Variants in SLMAP observed in about 807,000 individuals in gnomAD.
SLMAP encodes sarcolemma associated protein, also known as sarcolemmal membrane-associated protein.
SLMAP carries 44 observed loss-of-function variants against 128.8 expected under a neutral mutation model. That is an observed-to-expected ratio of 0.34 (90% CI 0.27 to 0.44). The LOEUF (loss-of-function observed/expected upper bound fraction) is 0.44, where lower values mean the gene tolerates loss of function less well. SLMAP is among the 20% of genes least tolerant of loss of function. SLMAP has a pLI of 1.00. For synonymous variants in SLMAP, 327 were observed against 348.8 expected, an observed-to-expected ratio of 0.94 and a Z score of 0.70; for missense variants, 787 against 985.3, an observed-to-expected ratio of 0.80 and a Z score of 2.69.
rs1166208390 is a variant in SLMAP at position 57,871,621 on chromosome 3, TTC to T, written c.1238-13_1238-12del. 1.2e-6 allele frequency: 2 copies of T among 1,607,116 alleles called. No individual in the cohort carries two copies. Among genetic ancestry groups the T allele is most frequent in the African/African-American group, 2.7e-5 (2 of 74,734 alleles). ...CAACAAACTATATCCTTAAAGGTGTTTCTTTCTTTATTAGAGCACTTGCTTTC... is the reference window on the plus strand; with the variant it reads ...CAACAAACTATATCCTTAAAGGTGTTTTTCTTTATTAGAGCACTTGCTTTC... On this transcript the variant is annotated splice_polypyrimidine_tract_variant and intron_variant, in intron 13 of 24. Coordinates refer to ENST00000671191, the MANE Select transcript of SLMAP (RefSeq NM_001377540.1).
rs566458651 is a variant in SLMAP, at chr3:57,772,709, C to T, written c.198+14860C>T. Among the ~76,000 whole-genome samples the T allele has an allele frequency of 7.9e-5, 12 of 151,700 alleles. No homozygotes were observed. The East Asian group carries it at 1.4e-3, about 17-fold the overall frequency. On this transcript the variant is annotated intron_variant, in intron 2 of 24. Coordinates refer to ENST00000671191, the MANE Select transcript of SLMAP (RefSeq NM_001377540.1). The stretch of plus-strand genomic sequence containing the variant: ...AGGCTGGAGTGCAGTGGCATGATCT[C>T]GGCTCACCGCAACCTTTGCCTCCCA...
chr3:57,896,655 A>G (rs1215588390), intron 16 of SLMAP, 64 bp downstream of exon 16: 16 of 1,286,162 alleles, frequency 1.2e-5, no homozygotes, highest in East Asian at 7.5e-5. Flanking sequence ...ATATAGGTCA[A>G]TGTGAGTGGA....
chr3:57,868,486 G>C (rs1173992712), intron 13 of SLMAP, among the ~76,000 whole-genome samples: 1 of 151,580 alleles, frequency 6.6e-6, no homozygotes, highest in Non-Finnish European at 1.5e-5. Flanking sequence ...AGCACTTTGG[G>C]AGGCTAAGCA....
intron 14 of SLMAP, among the ~76,000 whole-genome samples, chr3:57,885,552 T>C (rs1453911859): frequency 6.7e-6 from 1 of 149,696 alleles, no homozygotes; most frequent in African/African-American, 2.5e-5. Flanking sequence ...ACCGAGTAGC[T>C]GGGATTACAG....
intron 6 of SLMAP, among the ~76,000 whole-genome samples, chr3:57,851,380 G>A (rs1231879939): frequency 2.0e-5 from 3 of 150,040 alleles, no homozygotes; most frequent in Non-Finnish European, 4.4e-5. Flanking sequence ...GGTTTTTGTG[G>A]GTTTGGGCTA....
intron 2 of SLMAP, among the ~76,000 whole-genome samples, chr3:57,778,794 A>G (rs2082426892): frequency 6.6e-6 from 1 of 151,816 alleles, no homozygotes; most frequent in Admixed American, 6.6e-5. Flanking sequence ...CAGGCTGTCT[A>G]GTTTCTCAAA....
At position 57,864,861 on chromosome 3, in the gene SLMAP, G is replaced by A. The variant is rs2095250271; in HGVS notation, c.1186+4G>A. The A allele has an allele frequency of 1.3e-6, 2 of 1,564,806 alleles. No individual in the cohort carries two copies. The highest frequency in any genetic ancestry group is 1.9e-5 in the Admixed American group (1 of 52,730). ...CTTAAAGAATGCAGCAGCTTGGGTA[G>A]GTGGCATCCATATTTCTTACTTAAA... On this transcript the variant is annotated splice_donor_region_variant and intron_variant, in intron 12 of 24. Coordinates refer to ENST00000671191, the MANE Select transcript of SLMAP (RefSeq NM_001377540.1).
rs1458931530 is a variant in SLMAP at position 57,917,104 on chromosome 3, A to G, written c.2310+27A>G. On this transcript the variant is annotated intron_variant, in intron 22 of 24. Coordinates refer to ENST00000671191, the MANE Select transcript of SLMAP (RefSeq NM_001377540.1). ...TAAAGCGAAAAGACATTATGAGCCCAATTATGGTTGGACTTAAAGCCAAAA... is the reference window on the plus strand; with the variant it reads ...TAAAGCGAAAAGACATTATGAGCCCGATTATGGTTGGACTTAAAGCCAAAA... 6.2e-7 allele frequency: 1 copy of G among 1,613,026 alleles called. No individual in the cohort carries two copies.
chr3:57,768,314 A>G (rs915374158), intron 2 of SLMAP, among the ~76,000 whole-genome samples: 2 of 152,222 alleles, frequency 1.3e-5, no homozygotes, highest in African/African-American at 4.8e-5. Context: ...TTTTATTTAT[A>G]TATAAGTACT....
At chr3:57,877,905 A>G (rs149151155) in intron 14 of SLMAP, among the ~76,000 whole-genome samples, 2,628 of 137,994 alleles carry the variant, frequency 0.019, 73 homozygotes, top group African/African-American at 0.068. Flanking sequence ...CGTGATCTCG[A>G]CTCACTGCAA....
chr3:57,784,565 G>T (rs1319742368), intron 2 of SLMAP, among the ~76,000 whole-genome samples: 2 of 152,126 alleles, frequency 1.3e-5, no homozygotes, highest in African/African-American at 4.8e-5. Flanking sequence ...TATACTTCAG[G>T]ATGAATCATG....
chr3:57,862,176 C>T (rs561015317), intron 10 of SLMAP, 90 bp downstream of exon 10: 13 of 1,062,056 alleles, frequency 1.2e-5, no homozygotes, highest in East Asian at 1.0e-4. Context: ...TTTAGCTGGG[C>T]GTGGGGTGGC....
At chr3:57,777,923 CATTG>C (rs1490854003) in intron 2 of SLMAP, among the ~76,000 whole-genome samples, 2 of 152,312 alleles carry the variant, frequency 1.3e-5, no homozygotes, top group South Asian at 4.1e-4. Context: ...TGGTGAATTT[CATTG>C]ATTGATTTTT....
At chr3:57,796,691 A>G (rs924538649) in intron 2 of SLMAP, among the ~76,000 whole-genome samples, 2 of 152,244 alleles carry the variant, frequency 1.3e-5, no homozygotes, top group Admixed American at 6.5e-5. Flanking sequence ...AGATGTGTGT[A>G]TAACAGTTTC....
At chr3:57,867,966 G>A (rs758221936) in intron 13 of SLMAP, among the ~76,000 whole-genome samples, 5 of 152,076 alleles carry the variant, frequency 3.3e-5, no homozygotes, top group Admixed American at 6.6e-5. Context: ...AGTGTTGTCC[G>A]AAATAAACAT....
rs376239788 is a variant in SLMAP, at chr3:57,780,746, C to A, written c.198+22897C>A. 6.6e-5 allele frequency among the ~76,000 whole-genome samples: 10 copies of A among 151,924 alleles called. No individual in the cohort carries two copies. The South Asian group carries it at 1.9e-3, about 28-fold the overall frequency. ...GCAGTCTTGATTTCTTGGGCTCAAG[C>A]GATCTTCCCACCTAGGCCTTCCTCG... On this transcript the variant is annotated intron_variant, in intron 2 of 24. Coordinates refer to ENST00000671191, the MANE Select transcript of SLMAP (RefSeq NM_001377540.1).
intron 2 of SLMAP, among the ~76,000 whole-genome samples, chr3:57,761,615 A>T (rs1403230182): frequency 6.6e-6 from 1 of 152,116 alleles, no homozygotes; most frequent in African/African-American, 2.4e-5. Flanking sequence ...TTTAAAATTG[A>T]AACTGATGTA....
rs2095089878 is a variant in SLMAP at position 57,861,991 on chromosome 3, GAAAT to G, written c.872_875del (p.Glu291GlyfsTer9). The G allele has an allele frequency of 6.2e-7, 1 of 1,611,522 alleles. No homozygotes were observed. The highest frequency in any genetic ancestry group is 1.7e-5 in the Admixed American group (1 of 59,918). On this transcript the variant is annotated frameshift_variant, in exon 10 of 25. Transcript: ENST00000671191. LOFTEE classifies it high-confidence loss of function. ...TGAAGATGAATGTACCCATCTGAAA[GAAAT>G]GAATGAAAGGACTCAGGAAGAATTA...
chr3:57,850,153 G>A (rs1201879127), intron 6 of SLMAP, among the ~76,000 whole-genome samples: 1 of 152,064 alleles, frequency 6.6e-6, no homozygotes, highest in Admixed American at 6.6e-5. Context: ...TCCATCCTAG[G>A]CAACAGAGCA....
Sources: gnomAD v4.1 joint callset for allele counts (sites outside exome capture counted in the v4.1 genomes callset) on GRCh38, gnomAD v4.1.1 for gene constraint, MANE v1.5 for transcripts, NCBI Gene and HGNC (gene_info 2026-07-23, HGNC 2026-07-21) for gene names.